NALCN: variants seen among roughly 807,000 people sequenced by gnomAD.
NALCN encodes the protein sodium leak channel, non-selective, also known as sodium leak channel NALCN.
A neutral mutation model predicts 225.3 loss-of-function variants in NALCN; 111 were observed. That is an observed-to-expected ratio of 0.49 (90% confidence interval 0.42 to 0.58). NALCN has a LOEUF of 0.58. NALCN is among the 20% of genes least tolerant of loss of function. NALCN has a pLI of 0.00. For missense variants in NALCN, 1,378 were observed against 2,202.4 expected (o/e 0.63, Z 7.49); for synonymous variants, 764 against 769.0 (o/e 0.99, Z 0.11).
intron 15 of NALCN, among the ~76,000 whole-genome samples, chr13:101,163,053 C>T (rs1594340541): frequency 3.3e-5 from 5 of 152,300 alleles, no homozygotes; most frequent in Admixed American, 3.3e-4. Context: ...AGGCGCCCGC[C>T]ACTACGCCTG....
chr13:101,106,516 C>A (rs2035109387), intron 22 of NALCN, among the ~76,000 whole-genome samples: 1 of 152,154 alleles, frequency 6.6e-6, no homozygotes, highest in African/African-American at 2.4e-5. Flanking sequence ...CTTAAAGGTA[C>A]TGATAGGGTT....
chr13:101,293,978 G>T (rs1438162625), intron 7 of NALCN, among the ~76,000 whole-genome samples: 1 of 152,086 alleles, frequency 6.6e-6, no homozygotes. Flanking sequence ...ACATGCTAAG[G>T]AAATCTCTGT....
At chr13:101,332,237 G>T (rs1008098507) in intron 7 of NALCN, among the ~76,000 whole-genome samples, 2 of 151,832 alleles carry the variant, frequency 1.3e-5, no homozygotes, top group East Asian at 1.9e-4. Flanking sequence ...TTGAAGAAAG[G>T]CATGAGTCTC....
intron 7 of NALCN, among the ~76,000 whole-genome samples, chr13:101,308,666 TG>T (rs1300910841): frequency 6.6e-6 from 1 of 152,220 alleles, no homozygotes; most frequent in Non-Finnish European, 1.5e-5. Flanking sequence ...CAGAAACGGC[TG>T]ATGTTCACAA....
chr13:101,089,616 G>T lies in NALCN; in HGVS notation c.3489+47C>A. On this transcript the variant is annotated intron_variant, in intron 30 of 43. Coordinates refer to ENST00000251127, the MANE Select transcript of NALCN (RefSeq NM_052867.4). This position sits in a 1 kb window ranked among gnomAD's most constrained non-coding sequence, Gnocchi z 4.7. ...AAGAAACAAATAGCTCAAAGTGAGT[G>T]GCTAGAAAAGGCTAAACCCTGTGGT... 1 of 1,534,836 alleles carries T rather than the reference G, an allele frequency of 6.5e-7. No individual in the cohort carries two copies. Among genetic ancestry groups the T allele is most frequent in the Non-Finnish European group, 9.0e-7 (1 of 1,113,828 alleles).
chr13:101,367,695 TG>T, intron 6 of NALCN, among the ~76,000 whole-genome samples: 1 of 152,282 alleles, frequency 6.6e-6, no homozygotes, highest in African/African-American at 2.4e-5. Flanking sequence ...TCTGTGTATA[TG>T]TTGAAGGTTA....
At chr13:101,124,760 T>C (rs1337233941) in intron 17 of NALCN, 79 bp from the exon 18 acceptor site, 14 of 1,132,698 alleles carry the variant, frequency 1.2e-5, no homozygotes, top group Non-Finnish European at 1.7e-5. Flanking sequence ...ATAGATGACA[T>C]TGTTAAAACA....
intron 1 of NALCN, among the ~76,000 whole-genome samples, chr13:101,403,560 G>A (rs1380233704): frequency 6.6e-6 from 1 of 152,206 alleles, no homozygotes; most frequent in Non-Finnish European, 1.5e-5. Context: ...GAATAAAGAT[G>A]TGAGAAGATA....
chr13:101,070,648 G>C (rs1208396112), intron 37 of NALCN, among the ~76,000 whole-genome samples: 1 of 152,166 alleles, frequency 6.6e-6, no homozygotes, highest in Non-Finnish European at 1.5e-5. Context: ...GTACTACTTT[G>C]AAAGCAATCT....
At chr13:101,193,047 C>T (rs993958693) in intron 13 of NALCN, among the ~76,000 whole-genome samples, 2 of 151,200 alleles carry the variant, frequency 1.3e-5, no homozygotes, top group African/African-American at 4.9e-5. Context: ...CCCAGTTACA[C>T]TGGGGGACCT....
chr13:101,068,347 G>T (rs1639259624), intron 38 of NALCN, among the ~76,000 whole-genome samples: 1 of 152,066 alleles, frequency 6.6e-6, no homozygotes, highest in African/African-American at 2.4e-5. Flanking sequence ...ATTGAGTTCT[G>T]GGTGGGCCCA....
chr13:101,131,526 C>CACA (rs1566315017), intron 17 of NALCN, among the ~76,000 whole-genome samples: 1 of 152,114 alleles, frequency 6.6e-6, no homozygotes, highest in Non-Finnish European at 1.5e-5. Flanking sequence ...CTCCTCCCCC[C>CACA]ACAAATTTTG....
At chr13:101,381,064 C>T (rs563764203) in intron 3 of NALCN, among the ~76,000 whole-genome samples, 1 of 152,112 alleles carries the variant, frequency 6.6e-6, no homozygotes, top group South Asian at 2.1e-4. Context: ...CCCAAATGAA[C>T]GGACAAATAA....
intron 22 of NALCN, 71 bp from the exon 23 acceptor site, chr13:101,105,021 G>T: frequency 7.4e-7 from 1 of 1,353,814 alleles, no homozygotes; most frequent in Non-Finnish European, 1.1e-6. Flanking sequence ...AATCATATTT[G>T]CAAACATCTC....
At chr13:101,111,865 T>C (rs965419512) in intron 18 of NALCN, among the ~76,000 whole-genome samples, 13 of 152,178 alleles carry the variant, frequency 8.5e-5, no homozygotes, top group Non-Finnish European at 5.9e-5. Context: ...CAGTCTCAGG[T>C]ATGTCTTTAC....
intron 40 of NALCN, among the ~76,000 whole-genome samples, chr13:101,062,987 G>A (rs2032082428): frequency 1.3e-5 from 2 of 152,222 alleles, no homozygotes; most frequent in Non-Finnish European, 2.9e-5. Context: ...GCAGGCCCAT[G>A]CAGTTGTAGG....
Position 101,137,550 on chromosome 13 carries a change from TCTTACCAGAATGACCTAATTTA to T in NALCN, c.2118+5508_2118+5529del, listed in dbSNP as rs796300195. On this transcript the variant is annotated intron_variant, in intron 17 of 43. Transcript: ENST00000251127. ...GCAATAAAAAAAACGGAAGAGTAAATCTTACCAGAATGACCTAATTTACTTCTTCAGATTCGAAGACACCGTG... is the reference window on the plus strand; with the variant it reads ...GCAATAAAAAAAACGGAAGAGTAAATCTTCTTCAGATTCGAAGACACCGTG... Among the ~76,000 whole-genome samples the T allele has an allele frequency of 5.3e-5, 8 of 152,124 alleles. No homozygotes were observed. The East Asian group carries it at 1.2e-3, about 22-fold the overall frequency.
At chr13:101,319,909 C>G (rs143805736) in intron 7 of NALCN, among the ~76,000 whole-genome samples, 11 of 152,116 alleles carry the variant, frequency 7.2e-5, no homozygotes, top group Non-Finnish European at 1.3e-4. Context: ...ATTCCCTAAG[C>G]ATCTGTGGAT....
intron 37 of NALCN, among the ~76,000 whole-genome samples, chr13:101,069,567 A>AAAC (rs1392100666): frequency 6.6e-6 from 1 of 152,186 alleles, no homozygotes; most frequent in Non-Finnish European, 1.5e-5. Context: ...CGATTTCTTA[A>AAAC]AACAAGTCAA....
Sources: gnomAD v4.1 joint callset for allele counts (sites outside exome capture counted in the v4.1 genomes callset) on GRCh38, gnomAD v4.1.1 for gene constraint, Gnocchi (gnomAD v3.1) non-coding constraint, MANE v1.5 for transcripts, NCBI Gene and HGNC (gene_info 2026-07-23, HGNC 2026-07-21) for gene names.